The following USH2A variants were observed in gnomAD, a reference collection of about 807,000 sequenced individuals.
The protein encoded by USH2A is Usher syndrome 2A (autosomal recessive, mild).
A neutral mutation model predicts 538.9 loss-of-function variants in USH2A; 443 were observed. The observed-to-expected ratio is 0.82, with a 90% CI of 0.76 to 0.89. The LOEUF (loss-of-function observed/expected upper bound fraction) is 0.89. Ranked by LOEUF, USH2A falls within the 40% of genes least tolerant of loss-of-function variation. The pLI is 0.00. For missense variants in USH2A, 6,633 were observed against 6,324.8 expected (o/e 1.05, Z -1.65); for synonymous variants, 2,413 against 2,273.5 (o/e 1.06, Z -1.75).
rs547463570 is a variant in USH2A at position 215,798,819 on chromosome 1, C to T, written c.9958+88G>A. The T allele has an allele frequency of 5.5e-6, 8 of 1,457,826 alleles. No homozygotes were observed. In the Admixed American group the frequency reaches 1.0e-4, roughly 19 times the overall value. 90.3% of individuals were successfully genotyped at this position (1,457,826 alleles called of 1,614,324 possible). A position where few individuals can be genotyped will look rare whatever the true frequency, so the allele number is the denominator to read the frequency against. On this transcript the variant is annotated intron_variant, in intron 50 of 71. Transcript: ENST00000307340. ...ATATAACCAATGTGAGCTTTAATTA[C>T]TTATTTGTTTTATTTCTAGGGCAAA...
intron 21 of USH2A, among the ~76,000 whole-genome samples, chr1:216,102,552 C>A (rs184593055): frequency 8.7e-4 from 133 of 152,268 alleles, no homozygotes; most frequent in Middle Eastern, 3.4e-3. Context: ...GTAATCCCAG[C>A]ACTTTGGGAG....
At chr1:216,027,642 C>T (rs1487160255) in intron 32 of USH2A, among the ~76,000 whole-genome samples, 1 of 152,198 alleles carries the variant, frequency 6.6e-6, no homozygotes, top group Non-Finnish European at 1.5e-5. Flanking sequence ...ATCAATGCTA[C>T]ACTCTGCAGA....
chr1:216,396,890 C>T (rs1357882560), intron 3 of USH2A, among the ~76,000 whole-genome samples: 3 of 152,226 alleles, frequency 2.0e-5, no homozygotes, highest in East Asian at 3.8e-4. Flanking sequence ...TCTCCGCCAG[C>T]TCCATCCAAT....
chr1:216,105,140 C>A (rs2147476), intron 21 of USH2A, among the ~76,000 whole-genome samples: 6,829 of 152,114 alleles, frequency 0.045, 185 homozygotes, highest in South Asian at 0.13. Context: ...GAATGGCAAT[C>A]ATTTTCTTAA....
At chr1:216,247,777 C>G (rs192666442) in intron 12 of USH2A, among the ~76,000 whole-genome samples, 1 of 151,972 alleles carries the variant, frequency 6.6e-6, no homozygotes, top group Non-Finnish European at 1.5e-5. Flanking sequence ...AATGTTCTCA[C>G]CCCAAAAACA....
At chr1:216,212,521 C>T (rs562843191) in intron 15 of USH2A, among the ~76,000 whole-genome samples, 2 of 152,230 alleles carry the variant, frequency 1.3e-5, no homozygotes, top group South Asian at 4.2e-4. Context: ...CTAGATCCAT[C>T]TCTTTGGGAA....
At chr1:215,805,511 T>C (rs1662474763) in intron 49 of USH2A, among the ~76,000 whole-genome samples, 1 of 152,004 alleles carries the variant, frequency 6.6e-6, no homozygotes, top group Non-Finnish European at 1.5e-5. Context: ...TGGATGGTGG[T>C]AATGATTGTA....
At chr1:215,823,432 G>C (rs1663069260) in intron 47 of USH2A, among the ~76,000 whole-genome samples, 1 of 151,944 alleles carries the variant, frequency 6.6e-6, no homozygotes, top group South Asian at 2.1e-4. Context: ...TTTTAAATAT[G>C]TTATTTGCTT....
At chr1:215,900,360 T>C in intron 39 of USH2A, 143 bp from the exon 40 acceptor site, 1 of 940,102 alleles carries the variant, frequency 1.1e-6, no homozygotes, top group Non-Finnish European at 1.6e-6. Flanking sequence ...TGAGATCTCT[T>C]TTAAAATAAG....
At chr1:215,644,849 G>C (rs542966179) in intron 67 of USH2A, among the ~76,000 whole-genome samples, 19 of 152,172 alleles carry the variant, frequency 1.2e-4, no homozygotes, top group Non-Finnish European at 2.5e-4. Flanking sequence ...AGAGAGAGTA[G>C]AGTCCACATC....
intron 32 of USH2A, among the ~76,000 whole-genome samples, chr1:216,016,292 T>C (rs1261012398): frequency 1.3e-5 from 2 of 151,986 alleles, no homozygotes; most frequent in African/African-American, 4.8e-5. Flanking sequence ...TGTATACATA[T>C]GTAACAAACC....
At chr1:216,331,557 G>T (rs1282308796) in intron 4 of USH2A, among the ~76,000 whole-genome samples, 1 of 151,954 alleles carries the variant, frequency 6.6e-6, no homozygotes, top group Non-Finnish European at 1.5e-5. Flanking sequence ...CAGAAGGAAA[G>T]AAATAAACTC....
intron 37 of USH2A, among the ~76,000 whole-genome samples, chr1:215,962,702 A>T (rs1420666431): frequency 1.3e-5 from 2 of 152,108 alleles, no homozygotes; most frequent in Non-Finnish European, 2.9e-5. Context: ...TTCTAGAAGG[A>T]TATAAGAAGC....
intron 16 of USH2A, among the ~76,000 whole-genome samples, chr1:216,205,132 A>G (rs188488935): frequency 5.3e-5 from 8 of 152,286 alleles, no homozygotes; most frequent in Non-Finnish European, 7.4e-5. Flanking sequence ...GATAGTTTTA[A>G]GTTTAATTTT....
intron 64 of USH2A, among the ~76,000 whole-genome samples, chr1:215,661,647 A>G (rs2102653360): frequency 6.6e-6 from 1 of 152,334 alleles, no homozygotes; most frequent in South Asian, 2.1e-4. Flanking sequence ...AGGTGGGCTA[A>G]GAGAGGCTTC....
At chr1:216,114,007 T>A (rs1319308344) in intron 21 of USH2A, among the ~76,000 whole-genome samples, 2 of 151,920 alleles carry the variant, frequency 1.3e-5, no homozygotes, top group Admixed American at 6.5e-5. Flanking sequence ...AGTAAATTTT[T>A]AAAATTCTGC....
At chr1:215,906,289 C>G (rs1033752230) in intron 38 of USH2A, among the ~76,000 whole-genome samples, 10 of 151,970 alleles carry the variant, frequency 6.6e-5, no homozygotes, top group Admixed American at 3.9e-4. Flanking sequence ...ATACTGTGTA[C>G]AAGGTTATTT....
At chr1:216,120,632 G>T (rs2033117862) in intron 21 of USH2A, among the ~76,000 whole-genome samples, 3 of 151,914 alleles carry the variant, frequency 2.0e-5, no homozygotes, top group Admixed American at 6.6e-5. Context: ...ACCCGCCTCG[G>T]CCTCCCAAAG....
At position 215,660,004 on chromosome 1, in the gene USH2A, C is replaced by T. The variant is rs560976595; in HGVS notation, c.14134-9203G>A. On this transcript the variant is annotated intron_variant, in intron 64 of 71. Transcript: ENST00000307340. ...CATGCAATATTGTTTCTAGAAATTT[C>T]TGAGGAATGGGGTAGGGGATGAATA... 2.7e-4 allele frequency among the ~76,000 whole-genome samples: 41 copies of T among 152,254 alleles called. No individual in the cohort carries two copies. The South Asian group carries it at 8.5e-3, about 32-fold the overall frequency.
Sources: gnomAD v4.1 joint callset for allele counts (sites outside exome capture counted in the v4.1 genomes callset) on GRCh38, gnomAD v4.1.1 for gene constraint, MANE v1.5 for transcripts, NCBI Gene and HGNC (gene_info 2026-07-23, HGNC 2026-07-21) for gene names.